PRKCQ: variants seen among roughly 807,000 people sequenced by gnomAD.
PRKCQ encodes protein kinase C theta type.
Under a neutral mutation model 91.2 loss-of-function variants are expected in PRKCQ, and 41 were observed. The observed-to-expected ratio is 0.45, with a 90% CI of 0.35 to 0.58. The LOEUF is 0.58. Ranked by LOEUF, PRKCQ falls within the 20% of genes least tolerant of loss-of-function variation. The probability of loss-of-function intolerance (pLI) is 0.00; values close to 1 mark genes in which losing one functional copy is unlikely to be tolerated. For missense variants in PRKCQ, 673 were observed against 896.5 expected, an observed-to-expected ratio of 0.75 and a Z score of 3.18; for synonymous variants, 307 against 316.9, an observed-to-expected ratio of 0.97 and a Z score of 0.33.
rs532961426 is a variant in PRKCQ, at chr10:6,506,874, C to T, written c.379+562G>A. Among the ~76,000 whole-genome samples, 8 of 152,276 alleles carry T rather than the reference C, an allele frequency of 5.3e-5. No individual in the cohort carries two copies. The South Asian group carries it at 1.2e-3, about 24-fold the overall frequency. On this transcript the variant is annotated intron_variant, in intron 4 of 17. Transcript: ENST00000263125. ...GCCCTGACAGCCTGTCTCAGCACAT[C>T]GTACCGGGAAATTTCACTTCTGTGG...
At chr10:6,394,631 C>G in the PRKCQ span, among the ~76,000 whole-genome samples, 4 of 148,802 alleles carry the variant, frequency 2.7e-5, no homozygotes, top group African/African-American at 1.0e-4. Flanking sequence ...TACGCCAAAT[C>G]GTCAGACGTG....
intron 13 of PRKCQ, among the ~76,000 whole-genome samples, chr10:6,463,264 T>C (rs1311808772): frequency 6.6e-6 from 1 of 152,058 alleles, no homozygotes; most frequent in Non-Finnish European, 1.5e-5. Flanking sequence ...CCATCACTGG[T>C]GGGATTAAGG....
the PRKCQ span, among the ~76,000 whole-genome samples, chr10:6,403,308 T>C: frequency 6.6e-6 from 1 of 152,218 alleles, no homozygotes; most frequent in Admixed American, 6.5e-5. Context: ...GCCAGTGTCT[T>C]AGTCGGAGTA....
intron 11 of PRKCQ, 112 bp from the exon 12 acceptor site, chr10:6,479,277 T>C: frequency 8.0e-7 from 1 of 1,251,658 alleles, no homozygotes; most frequent in South Asian, 1.5e-5. Context: ...GGGTTCCTTC[T>C]CCAACCCCCA....
chr10:6,467,187 C>T (rs572637411), intron 12 of PRKCQ, among the ~76,000 whole-genome samples: 4 of 152,138 alleles, frequency 2.6e-5, no homozygotes, highest in Non-Finnish European at 5.9e-5. Flanking sequence ...AGCAAATGAA[C>T]AGTTCTCTGG....
intron 1 of PRKCQ, among the ~76,000 whole-genome samples, chr10:6,552,114 A>G (rs750408420): frequency 1.3e-5 from 2 of 152,042 alleles, no homozygotes; most frequent in Non-Finnish European, 2.9e-5. Flanking sequence ...CTATCTGTAT[A>G]TCTTCTTTGA....
the PRKCQ span, among the ~76,000 whole-genome samples, chr10:6,406,562 T>C: frequency 6.6e-6 from 1 of 152,156 alleles, no homozygotes; most frequent in South Asian, 2.1e-4. Flanking sequence ...AAAGTTTTTT[T>C]GAAAAAGGAA....
Position 6,491,418 on chromosome 10 carries a change from C to T in PRKCQ, c.790+265G>A, listed in dbSNP as rs114443530. Among the ~76,000 whole-genome samples the T allele has an allele frequency of 2.9e-3, 443 of 152,250 alleles. 2 individuals are homozygous for T. The highest frequency in any genetic ancestry group is 8.7e-3 in the African/African-American group (362 of 41,534). ...CTTCATTTCCCCCAGGGCTATGGTA[C>T]GGCAGAAGGTGATGGAGCTAGGAGT... On this transcript the variant is annotated intron_variant, in intron 8 of 17. Transcript: ENST00000263125.
At position 6,465,261 on chromosome 10, in the gene PRKCQ, A is replaced by G. The variant is rs955741913; in HGVS notation, c.1354-857T>C. Reference sequence around the variant, plus strand: ...GAAGCTTGCAATCAAGTTTAACCTTATTTTTCTCCAGTCCTGACTTAACTC... The same window carrying G: ...GAAGCTTGCAATCAAGTTTAACCTTGTTTTTCTCCAGTCCTGACTTAACTC... On this transcript the variant is annotated intron_variant, in intron 12 of 17. Coordinates refer to ENST00000263125, the MANE Select transcript of PRKCQ (RefSeq NM_006257.5). This position sits in a 1 kb window ranked among gnomAD's most constrained non-coding sequence, Gnocchi z 4.4. Among the ~76,000 whole-genome samples, 1 of 152,024 alleles carries G rather than the reference A, an allele frequency of 6.6e-6. No homozygotes were observed. Among genetic ancestry groups the G allele is most frequent in the African/African-American group, 2.4e-5 (1 of 41,400 alleles).
Position 6,539,204 on chromosome 10 carries a change from A to G in PRKCQ, c.-9-24060T>C, listed in dbSNP as rs115472470. Among the ~76,000 whole-genome samples, 1,515 of 152,244 alleles carry G rather than the reference A, an allele frequency of 1.0e-2. 27 individuals are homozygous for G. The highest frequency in any genetic ancestry group is 0.035 in the African/African-American group (1,464 of 41,508). Reference sequence around the variant, plus strand: ...CCTCACTATATTTTCACGACTCATCAGTGAATCGGAGAATGTTTCTGAGAA... The same window carrying G: ...CCTCACTATATTTTCACGACTCATCGGTGAATCGGAGAATGTTTCTGAGAA... On this transcript the variant is annotated intron_variant, in intron 1 of 17. Coordinates refer to ENST00000263125, the MANE Select transcript of PRKCQ (RefSeq NM_006257.5).
At chr10:6,494,983 G>A (rs573695957) in intron 7 of PRKCQ, among the ~76,000 whole-genome samples, 1 of 152,036 alleles carries the variant, frequency 6.6e-6, no homozygotes, top group Non-Finnish European at 1.5e-5. Context: ...CACACTGCTC[G>A]GCCTCGGGCA....
At chr10:6,395,328 G>A in the PRKCQ span, among the ~76,000 whole-genome samples, 3 of 151,956 alleles carry the variant, frequency 2.0e-5, no homozygotes, top group Non-Finnish European at 4.4e-5. Flanking sequence ...TCTCCCAAAG[G>A]GCTGGGATTA....
intron 1 of PRKCQ, among the ~76,000 whole-genome samples, chr10:6,561,475 G>A (rs1425622254): frequency 6.6e-6 from 1 of 151,332 alleles, no homozygotes; most frequent in Non-Finnish European, 1.5e-5. Context: ...TCAGGACCCT[G>A]TCAAATATTA....
At chr10:6,417,423 A>G in the PRKCQ span, among the ~76,000 whole-genome samples, 7 of 152,234 alleles carry the variant, frequency 4.6e-5, no homozygotes, top group Non-Finnish European at 7.3e-5. Flanking sequence ...TGATTATTAC[A>G]TGCACCTGCA....
At chr10:6,443,384 A>G (rs1052361467) in intron 15 of PRKCQ, among the ~76,000 whole-genome samples, 6 of 152,248 alleles carry the variant, frequency 3.9e-5, no homozygotes, top group African/African-American at 1.2e-4. Flanking sequence ...TTGCAGCTTC[A>G]TTCACAATAG....
At position 6,427,776 on chromosome 10, in the gene PRKCQ, C is replaced by T. The variant is rs117600818; in HGVS notation, c.*431G>A. On this transcript the variant is annotated 3_prime_UTR_variant, in exon 18 of 18. Coordinates refer to ENST00000263125, the MANE Select transcript of PRKCQ (RefSeq NM_006257.5). The stretch of plus-strand genomic sequence containing the variant: ...TACTTGTCTGCGGCTGAGTGAGATC[C>T]GCTACTAGACCAGGCAATGGGGCCG... 382 of 177,192 alleles carry T rather than the reference C, an allele frequency of 2.2e-3. No individual in the cohort carries two copies. The highest frequency in any genetic ancestry group is 4.1e-3 in the South Asian group (35 of 8,600). 11.0% of individuals were successfully genotyped at this position (177,192 alleles called of 1,614,324 possible). A position where few individuals can be genotyped will look rare whatever the true frequency, so the allele number is the denominator to read the frequency against.
At chr10:6,452,811 A>T (rs1834770824) in intron 15 of PRKCQ, among the ~76,000 whole-genome samples, 1 of 149,594 alleles carries the variant, frequency 6.7e-6, no homozygotes, top group Admixed American at 6.7e-5. Flanking sequence ...TGAGAAAAAC[A>T]AGCAATGGGG....
chr10:6,535,817 T>C (rs531075270), intron 1 of PRKCQ, among the ~76,000 whole-genome samples: 1 of 152,210 alleles, frequency 6.6e-6, no homozygotes, highest in Admixed American at 6.5e-5. Flanking sequence ...CCAAATAAGC[T>C]CTATGCTTTG....
At position 6,507,513 on chromosome 10, in the gene PRKCQ, G is replaced by C. The variant is rs1324830117; in HGVS notation, c.319-17C>G. On this transcript the variant is annotated splice_polypyrimidine_tract_variant and intron_variant, in intron 3 of 17. Coordinates refer to ENST00000263125, the MANE Select transcript of PRKCQ (RefSeq NM_006257.5). Reference sequence around the variant, plus strand: ...CAGCTCTAACTGGTTGGGAGAAGGAGAGAAACATCAGTCAGAATGTGAAAC... The same window carrying C: ...CAGCTCTAACTGGTTGGGAGAAGGACAGAAACATCAGTCAGAATGTGAAAC... 1 of 1,608,484 alleles carries C rather than the reference G, an allele frequency of 6.2e-7. No individual in the cohort carries two copies.
Sources: allele counts gnomAD v4.1 joint callset (sites outside exome capture counted in the v4.1 genomes callset), GRCh38; gene constraint gnomAD v4.1.1; non-coding constraint Gnocchi (gnomAD v3.1); transcripts MANE v1.5; gene names NCBI Gene and HGNC (gene_info 2026-07-23, HGNC 2026-07-21).